AMN: variants seen among roughly 807,000 people sequenced by gnomAD.
AMN encodes the protein protein amnionless.
AMN carries 40 observed loss-of-function variants against 49.1 expected under a neutral mutation model. The observed-to-expected ratio is 0.81, with a 90% CI of 0.63 to 1.06. The LOEUF (loss-of-function observed/expected upper bound fraction) is 1.06. AMN is among the 50% of genes least tolerant of loss of function. AMN has a pLI of 0.00. For missense variants in AMN, 701 were observed against 662.8 expected (o/e 1.06, Z -0.63); for synonymous variants, 380 against 313.3 (o/e 1.21, Z -2.25).
rs1480171720 is a variant in AMN, at chr14:102,928,809, A to T, written c.347A>T (p.His116Leu). The T allele has an allele frequency of 6.2e-7, 1 of 1,607,836 alleles. No individual in the cohort carries two copies. ...DSDRFSWHDP[H>L]LWRSGDEAPG... is the part of the protein sequence containing the mutation. ...GACCGCTTCTCCTGGCATGACCCGC[A>T]CCTGTGGCGCTCTGGGGACGAGGCA... The change falls in exon 5 of 12, where the codon CAC becomes CTC. Residue 116 changes from histidine (H) to leucine (L), a missense_variant. By Grantham distance (99) the His-to-Leu change is moderately conservative (BLOSUM62 -3). Coordinates refer to ENST00000299155, the MANE Select transcript of AMN (RefSeq NM_030943.4).
At chr14:102,929,296 A>T in intron 6 of AMN, 38 bp downstream of exon 6, 1 of 1,433,222 alleles carries the variant, frequency 7.0e-7, no homozygotes, top group Non-Finnish European at 9.0e-7. Context: ...GGGCCGCGCG[A>T]GGGTCGGGAC....
At position 102,930,172 on chromosome 14, in the gene AMN, C is replaced by A. The variant is rs1891305911; in HGVS notation, c.1014C>A (p.Ala338=). ...CCGGCCCCTCCGTCGCAGGCGAGGC[C>A]CTCGGCGTCCTGGAGGCGACCATGC... ...LLADVAENGE[A]LGVLEATMRE... is the part of the protein sequence containing the mutation. Residue 338 remains alanine, a synonymous_variant, in exon 10 of 12, where the codon GCC becomes GCA. Coordinates refer to ENST00000299155, the MANE Select transcript of AMN (RefSeq NM_030943.4). 2.0e-6 allele frequency: 3 copies of A among 1,487,358 alleles called. No individual in the cohort carries two copies. Among genetic ancestry groups the A allele is most frequent in the African/African-American group, 2.9e-5 (2 of 68,164 alleles). The allele number at this position is 1,487,358 out of a possible 1,614,324, so 92.1% of individuals were successfully genotyped here. A position where few individuals can be genotyped will look rare whatever the true frequency, so the allele number is the denominator to read the frequency against.
Position 102,930,777 on chromosome 14 carries a change from C to T in AMN, c.*97C>T. 3 of 1,336,148 alleles carry T rather than the reference C, an allele frequency of 2.2e-6. No individual in the cohort carries two copies. The highest frequency in any genetic ancestry group is 2.0e-5 in the Admixed American group (1 of 50,640). 82.8% of individuals were successfully genotyped at this position (1,336,148 alleles called of 1,614,324 possible). A position where few individuals can be genotyped will look rare whatever the true frequency, so the allele number is the denominator to read the frequency against. On this transcript the variant is annotated 3_prime_UTR_variant, in exon 12 of 12. Transcript: ENST00000299155. ...TCCTCGTCCAGCCCCCAAACCTCCC[C>T]TTCCTTTCCCCCTCCTCCGGGGGCC...
chr14:102,928,433 C>T lies in AMN; in HGVS notation c.215C>T (p.Pro72Leu), dbSNP rs756286731. 27 of 1,603,278 alleles carry T rather than the reference C, an allele frequency of 1.7e-5. No homozygotes were observed. In the East Asian group the frequency reaches 2.9e-4, roughly 17 times the overall value. The change falls in exon 4 of 12, where the codon CCG becomes CTG. Residue 72 changes from proline (P) to leucine (L), a missense_variant. Transcript: ENST00000299155. ...AGCCCGTGTCTCTTGCAGCTCCTGCCGCTGGATGGGGAACTCGTCCTGGCT... is the reference window on the plus strand; with the variant it reads ...AGCCCGTGTCTCTTGCAGCTCCTGCTGCTGGATGGGGAACTCGTCCTGGCT... ...EGHAVSDMLL[P>L]LDGELVLASG...
chr14:102,923,224 G>A, intron 1 of AMN: 2 of 265,660 alleles, frequency 7.5e-6, no homozygotes, highest in Non-Finnish European at 1.5e-5. Flanking sequence ...TTCAGGGCCG[G>A]CCTGACCTGG....
chr14:102,925,344 C>G (rs1489382157), intron 3 of AMN, among the ~76,000 whole-genome samples: 1 of 152,230 alleles, frequency 6.6e-6, no homozygotes, highest in East Asian at 1.9e-4. Context: ...CATTTCCACC[C>G]CAGGGCCGCT....
chr14:102,929,914 C>G lies in AMN; in HGVS notation c.844-10C>G. Reference sequence around the variant, plus strand: ...GGGCTGAGTCAAACCAACCCCGTCCCCCTCCCCAGCCTCAGTACCACGGGC... The same window carrying G: ...GGGCTGAGTCAAACCAACCCCGTCCGCCTCCCCAGCCTCAGTACCACGGGC... On this transcript the variant is annotated splice_polypyrimidine_tract_variant and intron_variant, in intron 8 of 11. Transcript: ENST00000299155. 6.4e-7 allele frequency: 1 copy of G among 1,553,964 alleles called. No individual in the cohort carries two copies. Among genetic ancestry groups the G allele is most frequent in the South Asian group, 1.2e-5 (1 of 84,252 alleles).
rs959001635 is a variant in AMN, at chr14:102,922,830, G to A, written c.43+99G>A. On this transcript the variant is annotated intron_variant, in intron 1 of 11. Coordinates refer to ENST00000299155, the MANE Select transcript of AMN (RefSeq NM_030943.4). ...GCCTGGAGGGTGAAGATCTTCCGAG[G>A]AGTGGGCAGGGAGGGCTTTGGAGGG... 7 of 1,475,586 alleles carry A rather than the reference G, an allele frequency of 4.7e-6. No homozygotes were observed. The African/African-American group carries it at 9.8e-5, about 21-fold the overall frequency. 91.4% of individuals were successfully genotyped at this position (1,475,586 alleles called of 1,614,324 possible). A position where few individuals can be genotyped will look rare whatever the true frequency, so the allele number is the denominator to read the frequency against.
At position 102,930,377 on chromosome 14, in the gene AMN, C is replaced by T. The variant is rs767076923; in HGVS notation, c.1170-29C>T. ...TGGGGCTGGGGGTTGCTCCGAGGGG[C>T]TCACGCTGCGTCCCCGCTACGCCCT... On this transcript the variant is annotated intron_variant, in intron 10 of 11. Coordinates refer to ENST00000299155, the MANE Select transcript of AMN (RefSeq NM_030943.4). 4 of 1,496,732 alleles carry T rather than the reference C, an allele frequency of 2.7e-6. No homozygotes were observed. The South Asian group carries it at 3.8e-5, about 14-fold the overall frequency. 92.7% of individuals were successfully genotyped at this position (1,496,732 alleles called of 1,614,324 possible).
intron 11 of AMN, 40 bp downstream of exon 11, chr14:102,930,533 C>T (rs770113617): frequency 1.9e-6 from 3 of 1,544,804 alleles, no homozygotes; most frequent in African/African-American, 1.4e-5. Flanking sequence ...TCCTCGGGGC[C>T]GGGACTCGGC....
chr14:102,928,393 G>T lies in AMN; in HGVS notation c.208-33G>T, dbSNP rs368984048. On this transcript the variant is annotated intron_variant, in intron 3 of 11. Coordinates refer to ENST00000299155, the MANE Select transcript of AMN (RefSeq NM_030943.4). ...GGGCGCGGAGCAGGCCCGGACCCCC[G>T]CGTGGCGCCGCCTCAGCCCGTGTCT... 359 of 1,554,244 alleles carry T rather than the reference G, an allele frequency of 2.3e-4. No homozygotes were observed. The African/African-American group carries it at 4.3e-3, about 18-fold the overall frequency.
Position 102,929,230 on chromosome 14 carries a change from C to A in AMN, c.623C>A (p.Pro208Gln). The A allele has an allele frequency of 6.6e-7, 1 of 1,521,038 alleles. No individual in the cohort carries two copies. The highest frequency in any genetic ancestry group is 1.2e-5 in the South Asian group (1 of 80,706). The allele number at this position is 1,521,038 out of a possible 1,614,324, so 94.2% of individuals were successfully genotyped here. A position where few individuals can be genotyped will look rare whatever the true frequency, so the allele number is the denominator to read the frequency against. The change falls in exon 6 of 12, where the codon CCG becomes CAG. Residue 208 changes from proline (P) to glutamine (Q), a missense_variant. Coordinates refer to ENST00000299155, the MANE Select transcript of AMN (RefSeq NM_030943.4). ...GTGGGCCCCGAGGACTGCGCGGACC[C>A]GTCGGGCTGCGTCTGCGGCAACGCG... ...LSVGPEDCAD[P>Q]SGCVCGNAEA... is the part of the protein sequence containing the mutation.
In AMN at chr14:102,924,393, G is replaced by T. The variant is rs139619674; in HGVS notation, c.207+414G>T. 7.2e-5 allele frequency among the ~76,000 whole-genome samples: 11 copies of T among 152,302 alleles called. No individual in the cohort carries two copies. In the East Asian group the frequency reaches 2.1e-3, roughly 29 times the overall value. On this transcript the variant is annotated intron_variant, in intron 3 of 11. Coordinates refer to ENST00000299155, the MANE Select transcript of AMN (RefSeq NM_030943.4). ...CCGGGTCCCTGGCCTGTTAGGAAGTGGCCGCCCAGGAAGAGGCGAGCCCAC... is the reference window on the plus strand; with the variant it reads ...CCGGGTCCCTGGCCTGTTAGGAAGTTGCCGCCCAGGAAGAGGCGAGCCCAC...
Position 102,923,487 on chromosome 14 carries a change from C to T in AMN, c.44-224C>T, listed in dbSNP as rs926404536. ...AGGCGTCCTGCAGGGCGCGTTTGAG[C>T]GGGCTCTGCAGGTATCAGTAGAAGT... On this transcript the variant is annotated intron_variant, in intron 1 of 11. Coordinates refer to ENST00000299155, the MANE Select transcript of AMN (RefSeq NM_030943.4). 1.4e-5 allele frequency: 8 copies of T among 556,092 alleles called. No individual in the cohort carries two copies. The African/African-American group carries it at 1.5e-4, about 11-fold the overall frequency. 34.4% of individuals were successfully genotyped at this position (556,092 alleles called of 1,614,324 possible).
At position 102,930,513 on chromosome 14, in the gene AMN, G is replaced by C. The variant is rs778907056; in HGVS notation, c.1257+20G>C. On this transcript the variant is annotated intron_variant, in intron 11 of 11. Coordinates refer to ENST00000299155, the MANE Select transcript of AMN (RefSeq NM_030943.4). The stretch of plus-strand genomic sequence containing the variant: ...GAGCTGGTGAGGGGGCTGGAGGGGG[G>C]ACCGGGGCCTCCTCGGGGCCGGGAC... 44 of 1,540,002 alleles carry C rather than the reference G, an allele frequency of 2.9e-5. No individual in the cohort carries two copies. The South Asian group carries it at 4.5e-4, about 16-fold the overall frequency.
At chr14:102,929,396 C>T (rs1268669782) in intron 6 of AMN, 32 bp from the exon 7 acceptor site, 1 of 1,526,804 alleles carries the variant, frequency 6.5e-7, no homozygotes, top group South Asian at 1.2e-5. Context: ...TCCGCTCTGG[C>T]CCTCCGCGCT....
intron 6 of AMN, 40 bp from the exon 7 acceptor site, chr14:102,929,388 C>A: frequency 6.6e-7 from 1 of 1,522,088 alleles, no homozygotes. Flanking sequence ...CGCTGCGGTC[C>A]GCTCTGGCCC....
chr14:102,925,351 C>T (rs1206135216), intron 3 of AMN, among the ~76,000 whole-genome samples: 2 of 152,232 alleles, frequency 1.3e-5, no homozygotes, highest in African/African-American at 2.4e-5. Context: ...ACCCCAGGGC[C>T]GCTTGGTTCC....
chr14:102,930,041 G>A lies in AMN; in HGVS notation c.961G>A (p.Ala321Thr), dbSNP rs1238328550. Residue 321 changes from alanine (A) to threonine (T), a missense_variant, in exon 9 of 12, where the codon GCG becomes ACG. Coordinates refer to ENST00000299155, the MANE Select transcript of AMN (RefSeq NM_030943.4). ...GGAGAATGGGCCCGAGACAGGCGGA[G>A]CGGGGCGGCTGGCCCGGGCCCTCCT... ...LVENGPETGG[A>T]GRLARALLAD... 3 of 1,549,712 alleles carry A rather than the reference G, an allele frequency of 1.9e-6. No homozygotes were observed. Among genetic ancestry groups the A allele is most frequent in the Non-Finnish European group, 2.6e-6 (3 of 1,147,742 alleles).
Sources: allele counts gnomAD v4.1 joint callset (sites outside exome capture counted in the v4.1 genomes callset), GRCh38; gene constraint gnomAD v4.1.1; transcripts MANE v1.5; gene names NCBI Gene and HGNC (gene_info 2026-07-23, HGNC 2026-07-21).